The following SLC34A2 variants were observed in gnomAD, a reference collection of about 807,000 sequenced individuals.
SLC34A2 encodes solute carrier family 34 member 2, also known as sodium-dependent phosphate transport protein 2B.
Under a neutral mutation model 50.8 loss-of-function variants are expected in SLC34A2, and 41 were observed. The observed-to-expected ratio is 0.81, with a 90% CI of 0.63 to 1.05. The LOEUF is 1.05. Ranked by LOEUF, SLC34A2 falls within the 50% of genes least tolerant of loss-of-function variation. The probability of loss-of-function intolerance (pLI) is 0.00; values close to 1 mark genes in which losing one functional copy is unlikely to be tolerated. For missense variants in SLC34A2, 879 were observed against 876.7 expected (o/e 1.00, Z -0.03); for synonymous variants, 401 against 364.2 (o/e 1.10, Z -1.15).
At chr4:25,658,173 T>C (rs1472129638) in intron 1 of SLC34A2, among the ~76,000 whole-genome samples, 1 of 152,220 alleles carries the variant, frequency 6.6e-6, no homozygotes, top group African/African-American at 2.4e-5. Flanking sequence ...TTTACATAGA[T>C]ACATGAAATG....
At position 25,669,613 on chromosome 4, in the gene SLC34A2, G is replaced by C. The variant is rs746934920; in HGVS notation, c.636-34G>C. On this transcript the variant is annotated intron_variant, in intron 6 of 12. Transcript: ENST00000382051. ...CTCACATGGTGCCCACTTGCTTAGTGACTAATCTGGCTGTCGGGGTTTCCC... is the reference window on the plus strand; with the variant it reads ...CTCACATGGTGCCCACTTGCTTAGTCACTAATCTGGCTGTCGGGGTTTCCC... The C allele has an allele frequency of 3.7e-6, 6 of 1,608,406 alleles. No individual in the cohort carries two copies. The Admixed American group carries it at 1.0e-4, about 27-fold the overall frequency.
chr4:25,670,885 C>T, intron 8 of SLC34A2, 52 bp downstream of exon 8: 1 of 1,383,540 alleles, frequency 7.2e-7, no homozygotes, highest in Non-Finnish European at 1.0e-6. Context: ...TGCATCTGAA[C>T]ATGAAACTAA....
chr4:25,664,392 G>T (rs898738758), intron 4 of SLC34A2, 62 bp downstream of exon 4: 1 of 1,594,612 alleles, frequency 6.3e-7, no homozygotes, highest in Non-Finnish European at 8.6e-7. Context: ...GTGGTTCCGA[G>T]AGTAAAACTC....
At position 25,674,481 on chromosome 4, in the gene SLC34A2, GTTTGTGT is replaced by G. The variant is rs763936192; in HGVS notation, c.1334-14_1334-8del. 1.2e-6 allele frequency: 2 copies of G among 1,614,086 alleles called. No homozygotes were observed. Among genetic ancestry groups the G allele is most frequent in the Admixed American group, 1.7e-5 (1 of 60,002 alleles). Reference sequence around the variant, plus strand: ...TCCTGTCATCCCATGGGGCTGATATGTTTGTGTTTTGTGTTTCCCCCAGGAATCGGCG... The same window carrying G: ...TCCTGTCATCCCATGGGGCTGATATGTTTGTGTTTCCCCCAGGAATCGGCG... On this transcript the variant is annotated splice_polypyrimidine_tract_variant and intron_variant, in intron 11 of 12. Transcript: ENST00000382051.
chr4:25,661,473 C>T (rs892556925), intron 1 of SLC34A2, among the ~76,000 whole-genome samples: 9 of 152,092 alleles, frequency 5.9e-5, no homozygotes, highest in Admixed American at 2.0e-4. Flanking sequence ...CTACAACCTC[C>T]GCCTCCCAGG....
rs1560244013 is a variant in SLC34A2, at chr4:25,676,594, CGCTGCA to C, written c.1921_1926del (p.Cys641_Ser642del). On this transcript the variant is annotated inframe_deletion, in exon 13 of 13. Coordinates refer to ENST00000382051, the MANE Select transcript of SLC34A2 (RefSeq NM_006424.3). ...GCTGTGTGACTGCCCCAAGTGCTGC[CGCTGCA>C]GCAAGTGCTGCGAGGACTTGGAGGA... 6.2e-7 allele frequency: 1 copy of C among 1,613,230 alleles called. No homozygotes were observed. Among genetic ancestry groups the C allele is most frequent in the Non-Finnish European group, 8.5e-7 (1 of 1,179,296 alleles).
Position 25,678,683 on chromosome 4 carries a change from T to G in SLC34A2, c.*1934T>G, listed in dbSNP as rs1419296102. ...GGCGTGAGCCACCACCAGGCCTGAT[T>G]GTAATTTTTTTTTTTTTTTTTTTAC... On this transcript the variant is annotated 3_prime_UTR_variant, in exon 13 of 13. Transcript: ENST00000382051. 4.5e-6 allele frequency: 2 copies of G among 440,294 alleles called. No homozygotes were observed. The highest frequency in any genetic ancestry group is 8.1e-6 in the Non-Finnish European group (2 of 246,980). 27.3% of individuals were successfully genotyped at this position (440,294 alleles called of 1,614,324 possible).
chr4:25,658,021 C>T (rs1713980433), intron 1 of SLC34A2, among the ~76,000 whole-genome samples: 1 of 152,082 alleles, frequency 6.6e-6, no homozygotes, highest in Non-Finnish European at 1.5e-5. Context: ...CCTGGGCATC[C>T]CGAGAACACT....
At chr4:25,671,503 T>C (rs1714811457) in intron 8 of SLC34A2, 98 bp from the exon 9 acceptor site, 2 of 1,447,826 alleles carry the variant, frequency 1.4e-6, no homozygotes, top group African/African-American at 1.4e-5. Flanking sequence ...GCATGCACCA[T>C]GGGTGGTGTC....
intron 10 of SLC34A2, 45 bp downstream of exon 10, chr4:25,673,299 C>T (rs1163073643): frequency 2.7e-6 from 2 of 731,068 alleles, no homozygotes; most frequent in Non-Finnish European, 4.1e-6. Context: ...GTAGTCACTG[C>T]ATGGGGTGTG....
chr4:25,662,124 G>T lies in SLC34A2; in HGVS notation c.-3-374G>T, dbSNP rs538314414. ...TGACCTCAGGTGATCCACCTGTCTT[G>T]GCCTCCCAAAGTGCTGGGATTACAG... On this transcript the variant is annotated intron_variant, in intron 1 of 12. Transcript: ENST00000382051. Among the ~76,000 whole-genome samples the T allele has an allele frequency of 5.3e-5, 8 of 152,284 alleles. No individual in the cohort carries two copies. The East Asian group carries it at 1.5e-3, about 29-fold the overall frequency.
intron 1 of SLC34A2, chr4:25,656,357 G>A (rs954098289): frequency 2.0e-5 from 3 of 152,260 alleles, no homozygotes; most frequent in Non-Finnish European, 4.4e-5. Flanking sequence ...AAAATTCTAG[G>A]TTTGTGGTGG....
rs116374022 is a variant in SLC34A2 at position 25,676,176 on chromosome 4, G to A, written c.1500G>A (p.Leu500=). The change falls in exon 13 of 13, where the codon TTG becomes TTA. Residue 500 remains leucine (L), a synonymous_variant. Coordinates refer to ENST00000382051, the MANE Select transcript of SLC34A2 (RefSeq NM_006424.3). ...TTTTCTTCAACATCTCCGGCATCTT[G>A]CTGTGGTACCCGATCCCGTTCACTC... is the stretch of plus-strand genomic sequence containing the variant. ...CHFFFNISGI[L]LWYPIPFTRL... is the part of the protein sequence containing the mutation. The A allele has an allele frequency of 1.3e-5, 21 of 1,614,160 alleles. 1 individual carries two copies. In the East Asian group the frequency reaches 4.5e-4, roughly 34 times the overall value.
intron 3 of SLC34A2, among the ~76,000 whole-genome samples, chr4:25,663,199 C>T (rs888193195): frequency 1.3e-5 from 2 of 152,084 alleles, no homozygotes; most frequent in South Asian, 2.1e-4. Context: ...CGTGATCCAC[C>T]CTCCTCGACC....
At chr4:25,669,110 A>G (rs1714673632) in intron 6 of SLC34A2, among the ~76,000 whole-genome samples, 1 of 152,194 alleles carries the variant, frequency 6.6e-6, no homozygotes, top group African/African-American at 2.4e-5. Context: ...ATTCACTTGC[A>G]TAGAGGTCTT....
rs1715256685 is a variant in SLC34A2 at position 25,678,255 on chromosome 4, C to T, written c.*1506C>T. Reference sequence around the variant, plus strand: ...CCCTCCCCCTTGTAGATATCAATTCCCAAACAGAGCCAAATACTCTATATC... The same window carrying T: ...CCCTCCCCCTTGTAGATATCAATTCTCAAACAGAGCCAAATACTCTATATC... On this transcript the variant is annotated 3_prime_UTR_variant, in exon 13 of 13. Transcript: ENST00000382051. 1 of 152,686 alleles carries T rather than the reference C, an allele frequency of 6.5e-6. No homozygotes were observed. The highest frequency in any genetic ancestry group is 1.5e-5 in the Non-Finnish European group (1 of 68,128). The allele number at this position is 152,686 out of a possible 1,614,324, so 9.5% of individuals were successfully genotyped here.
intron 4 of SLC34A2, 26 bp from the exon 5 acceptor site, chr4:25,666,102 T>TG (rs1714484089): frequency 6.3e-7 from 1 of 1,594,372 alleles, no homozygotes; most frequent in Non-Finnish European, 8.6e-7. Flanking sequence ...TGTGATTGTT[T>TG]TTGTTTGTTT....
At position 25,676,548 on chromosome 4, in the gene SLC34A2, G is replaced by A. The variant is rs755820289; in HGVS notation, c.1872G>A (p.Val624=). The A allele has an allele frequency of 7.4e-6, 12 of 1,612,454 alleles. No homozygotes were observed. In the East Asian group the frequency reaches 1.3e-4, roughly 18 times the overall value. The change falls in exon 13 of 13, where the codon GTG becomes GTA. Residue 624 remains valine, a synonymous_variant. Coordinates refer to ENST00000382051, the MANE Select transcript of SLC34A2 (RefSeq NM_006424.3). ...FQMRCCCCCR[V]CCRACCLLCD... ...TGCGCTGCTGCTGCTGCTGCCGCGT[G>A]TGCTGCCGCGCGTGCTGCTTGCTGT...
intron 4 of SLC34A2, 105 bp from the exon 5 acceptor site, chr4:25,666,023 C>T (rs552761329): frequency 6.9e-7 from 1 of 1,459,404 alleles, no homozygotes. Flanking sequence ...ACTCTGCAAC[C>T]CACAGCCAGC....
Sources: gnomAD v4.1 joint callset for allele counts (sites outside exome capture counted in the v4.1 genomes callset) on GRCh38, gnomAD v4.1.1 for gene constraint, MANE v1.5 for transcripts, NCBI Gene and HGNC (gene_info 2026-07-23, HGNC 2026-07-21) for gene names.